RAP1GAP2: variants seen among roughly 807,000 people sequenced by gnomAD.
RAP1GAP2 encodes RAP1 GTPase activating protein 2.
In RAP1GAP2, 27 loss-of-function variants were observed where a neutral mutation model predicts 95.0. The observed-to-expected ratio is 0.28, with a 90% confidence interval of 0.21 to 0.39. RAP1GAP2 has a LOEUF of 0.39. RAP1GAP2 is among the 10% of genes least tolerant of loss of function. The probability of loss-of-function intolerance (pLI) is 1.00; values close to 1 mark genes in which losing one functional copy is unlikely to be tolerated. For synonymous variants in RAP1GAP2, 373 were observed against 380.9 expected (o/e 0.98, Z 0.24); for missense variants, 771 against 970.0 (o/e 0.79, Z 2.72).
intron 3 of RAP1GAP2, among the ~76,000 whole-genome samples, chr17:2,930,495 G>A (rs1202064900): frequency 6.6e-6 from 1 of 152,220 alleles, no homozygotes; most frequent in Non-Finnish European, 1.5e-5. Flanking sequence ...TCTGTTACTT[G>A]CCCTGCATTT....
intron 2 of RAP1GAP2, among the ~76,000 whole-genome samples, chr17:2,858,025 G>A (rs1298797213): frequency 1.1e-4 from 17 of 152,116 alleles, no homozygotes; most frequent in Admixed American, 9.8e-4. Flanking sequence ...GCTTGAACCC[G>A]GGAGGCTGAG....
chr17:2,832,385 C>A (rs1449963400), intron 2 of RAP1GAP2, among the ~76,000 whole-genome samples: 2 of 150,550 alleles, frequency 1.3e-5, no homozygotes, highest in Non-Finnish European at 3.0e-5. Flanking sequence ...GGTGAAACCC[C>A]ATCTCTACTA....
chr17:2,907,290 G>C (rs540269853), intron 3 of RAP1GAP2, among the ~76,000 whole-genome samples: 1 of 152,114 alleles, frequency 6.6e-6, no homozygotes, highest in Non-Finnish European at 1.5e-5. Context: ...GGGAAATGGC[G>C]GTGGTACCAT....
At chr17:2,927,417 T>C (rs2043003619) in intron 3 of RAP1GAP2, among the ~76,000 whole-genome samples, 1 of 151,552 alleles carries the variant, frequency 6.6e-6, no homozygotes, top group South Asian at 2.1e-4. Flanking sequence ...CCTCCCAAAG[T>C]GCTGGGATTA....
rs780536739 is a variant in RAP1GAP2, at chr17:2,963,502, G to C, written c.279+40G>C. ...CTCACTCCCACCTGCCCTGCAGCCTGCTCTGGGTCCCGTCCCTGGGGAAAT... is the reference window on the plus strand; with the variant it reads ...CTCACTCCCACCTGCCCTGCAGCCTCCTCTGGGTCCCGTCCCTGGGGAAAT... On this transcript the variant is annotated intron_variant, in intron 6 of 24. Transcript: ENST00000254695. This position sits in a 1 kb window ranked among gnomAD's most constrained non-coding sequence, Gnocchi z 4.8. The C allele has an allele frequency of 6.2e-7, 1 of 1,612,904 alleles. No homozygotes were observed. The highest frequency in any genetic ancestry group is 8.5e-7 in the Non-Finnish European group (1 of 1,179,010).
upstream of RAP1GAP2, among the ~76,000 whole-genome samples, chr17:2,792,748 A>AC (rs1302649480): frequency 6.6e-6 from 1 of 151,916 alleles, no homozygotes; most frequent in Non-Finnish European, 1.5e-5. Flanking sequence ...TCAGGGGCAC[A>AC]CCCCCCGGTG....
intron 1 of RAP1GAP2, among the ~76,000 whole-genome samples, chr17:2,799,330 G>A (rs147418035): frequency 6.6e-6 from 1 of 152,320 alleles, no homozygotes; most frequent in East Asian, 1.9e-4. Flanking sequence ...GAGAGACGTG[G>A]GCCAGGCCCC....
intron 2 of RAP1GAP2, among the ~76,000 whole-genome samples, chr17:2,806,408 T>TATTATTATTATTATTATTATTA (rs1567664643): frequency 6.7e-6 from 1 of 149,488 alleles, no homozygotes; most frequent in African/African-American, 2.5e-5. Context: ...TTATTATTAT[T>TATTATTATTATTATTATTATTA]TTGAGAGGGA....
chr17:2,899,525 T>C (rs1365791893), intron 2 of RAP1GAP2, among the ~76,000 whole-genome samples: 1 of 150,970 alleles, frequency 6.6e-6, no homozygotes, highest in Non-Finnish European at 1.5e-5. Flanking sequence ...ATTTTTATTT[T>C]TTTGAGGTGG....
At position 3,033,813 on chromosome 17, in the gene RAP1GAP2, A is replaced by T. The variant is rs1597926576; in HGVS notation, c.*452A>T. 1 of 152,140 alleles carries T rather than the reference A, an allele frequency of 6.6e-6. No individual in the cohort carries two copies. The highest frequency in any genetic ancestry group is 2.4e-5 in the African/African-American group (1 of 41,382). The allele number at this position is 152,140 out of a possible 1,614,324, so 9.4% of individuals were successfully genotyped here. A position where few individuals can be genotyped will look rare whatever the true frequency, so the allele number is the denominator to read the frequency against. ...AGGGCAGTGCCTTCCTGAACGTGGC[A>T]GGCTTTACTACCAGGAACGCACTCG... On this transcript the variant is annotated 3_prime_UTR_variant, in exon 25 of 25. Coordinates refer to ENST00000254695, the MANE Select transcript of RAP1GAP2 (RefSeq NM_015085.5). The surrounding 1 kb of genome is among the most constrained non-coding windows in gnomAD (Gnocchi z 4.9).
At chr17:2,969,011 A>G (rs2044734096) in intron 8 of RAP1GAP2, among the ~76,000 whole-genome samples, 4 of 152,080 alleles carry the variant, frequency 2.6e-5, no homozygotes, top group Non-Finnish European at 5.9e-5. Flanking sequence ...ATTATAGTAT[A>G]TGTATATGTA....
chr17:2,958,134 T>C (rs2044188398), intron 4 of RAP1GAP2, among the ~76,000 whole-genome samples: 1 of 152,086 alleles, frequency 6.6e-6, no homozygotes, highest in African/African-American at 2.4e-5. Context: ...AACTAGCTGC[T>C]TCTTGGAGGA....
intron 3 of RAP1GAP2, among the ~76,000 whole-genome samples, chr17:2,956,121 A>C (rs954212138): frequency 1.3e-5 from 2 of 152,180 alleles, no homozygotes; most frequent in Non-Finnish European, 2.9e-5. Flanking sequence ...CTGGTCTCCT[A>C]AGCCTGGAGA....
chr17:2,857,788 G>A lies in RAP1GAP2; in HGVS notation c.81-47496G>A, dbSNP rs1365990843. Among the ~76,000 whole-genome samples, 1 of 152,176 alleles carries A rather than the reference G, an allele frequency of 6.6e-6. No individual in the cohort carries two copies. The highest frequency in any genetic ancestry group is 6.5e-5 in the Admixed American group (1 of 15,272). On this transcript the variant is annotated intron_variant, in intron 2 of 24. Coordinates refer to ENST00000254695, the MANE Select transcript of RAP1GAP2 (RefSeq NM_015085.5). The surrounding 1 kb of genome is among the most constrained non-coding windows in gnomAD (Gnocchi z 4.0). Reference sequence around the variant, plus strand: ...AGCTTTGCTGGGAAGGACGGAGGCCGAGGAACACGATCAAAATATGTACGT... The same window carrying A: ...AGCTTTGCTGGGAAGGACGGAGGCCAAGGAACACGATCAAAATATGTACGT...
At position 3,004,751 on chromosome 17, in the gene RAP1GAP2, G is replaced by A. The variant is rs2046280672; in HGVS notation, c.1201-618G>A. 6.6e-6 allele frequency among the ~76,000 whole-genome samples: 1 copy of A among 152,276 alleles called. No individual in the cohort carries two copies. The highest frequency in any genetic ancestry group is 1.5e-5 in the Non-Finnish European group (1 of 68,048). ...ACACGGGTCCACCGGCTGCACGAGAGTTTCCGGGGGGCCCTACCCTTCCGA... is the reference window on the plus strand; with the variant it reads ...ACACGGGTCCACCGGCTGCACGAGAATTTCCGGGGGGCCCTACCCTTCCGA... On this transcript the variant is annotated intron_variant, in intron 14 of 24. Transcript: ENST00000254695. The surrounding 1 kb of genome is among the most constrained non-coding windows in gnomAD (Gnocchi z 4.1).
intron 2 of RAP1GAP2, among the ~76,000 whole-genome samples, chr17:2,893,891 G>A (rs564538077): frequency 2.6e-5 from 4 of 152,302 alleles, no homozygotes; most frequent in Admixed American, 6.5e-5. Context: ...TGCTTGGCAC[G>A]CGCTCTTCCC....
At chr17:2,809,993 T>C (rs898918712) in intron 2 of RAP1GAP2, among the ~76,000 whole-genome samples, 41 of 148,194 alleles carry the variant, frequency 2.8e-4, no homozygotes, top group African/African-American at 1.0e-3. Context: ...GGGCTGTCAG[T>C]GGCCCCTCTG....
At chr17:2,877,505 T>C (rs2151657905) in intron 2 of RAP1GAP2, among the ~76,000 whole-genome samples, 1 of 152,148 alleles carries the variant, frequency 6.6e-6, no homozygotes, top group East Asian at 1.9e-4. Flanking sequence ...CCCAGCACTT[T>C]GGGAGGCCAA....
chr17:2,911,583 C>T (rs990439713), intron 3 of RAP1GAP2, among the ~76,000 whole-genome samples: 5 of 151,896 alleles, frequency 3.3e-5, no homozygotes, highest in Middle Eastern at 3.4e-3. Flanking sequence ...TCTACAGGGG[C>T]CCTGACTGAG....
Sources: allele counts gnomAD v4.1 joint callset (sites outside exome capture counted in the v4.1 genomes callset), GRCh38; gene constraint gnomAD v4.1.1; non-coding constraint Gnocchi (gnomAD v3.1); transcripts MANE v1.5; gene names NCBI Gene and HGNC (gene_info 2026-07-23, HGNC 2026-07-21).